The following CLDN18 variants were observed in gnomAD, a reference collection of about 807,000 sequenced individuals.
The protein encoded by CLDN18 is claudin 18, also known as claudin-18.
In CLDN18, 20 loss-of-function variants were observed where a neutral mutation model predicts 25.0. The ratio of observed to expected loss-of-function variants is 0.80; its 90% CI spans 0.56 to 1.16. The LOEUF (loss-of-function observed/expected upper bound fraction) is 1.16. Ranked by LOEUF, CLDN18 falls within the 50% of genes most tolerant of loss-of-function variation. The probability of loss-of-function intolerance (pLI) is 0.00; values close to 1 mark genes in which losing one functional copy is unlikely to be tolerated. For missense variants in CLDN18, 297 were observed against 345.4 expected (o/e 0.86, Z 1.11); for synonymous variants, 125 against 135.6 (o/e 0.92, Z 0.54).
intron 4 of CLDN18, 21 bp from the exon 5 acceptor site, chr3:138,030,949 G>A: frequency 6.2e-7 from 1 of 1,605,272 alleles, no homozygotes; most frequent in Non-Finnish European, 8.5e-7. Flanking sequence ...TACAATCATG[G>A]AATGTTTATT....
chr3:138,000,710 G>C (rs926608243), intron 1 of CLDN18, among the ~76,000 whole-genome samples: 2 of 152,224 alleles, frequency 1.3e-5, no homozygotes, highest in African/African-American at 4.8e-5. Flanking sequence ...GTGGGTAACT[G>C]GCAGCTGGTC....
intron 3 of CLDN18, among the ~76,000 whole-genome samples, chr3:138,028,542 A>T (rs546757949): frequency 6.6e-6 from 1 of 152,354 alleles, no homozygotes; most frequent in East Asian, 1.9e-4. Flanking sequence ...TTTGAGGAAC[A>T]CAAAGGGAAA....
intron 3 of CLDN18, 31 bp from the exon 4 acceptor site, chr3:138,029,766 C>T (rs1273464243): frequency 1.5e-6 from 2 of 1,351,352 alleles, no homozygotes; most frequent in Non-Finnish European, 2.0e-6. Flanking sequence ...GTTGAGTCAA[C>T]CATATTGACA....
chr3:138,031,149 A>C lies in CLDN18; in HGVS notation c.*8A>C. On this transcript the variant is annotated 3_prime_UTR_variant, in exon 5 of 5. Coordinates refer to ENST00000183605, the MANE Select transcript of CLDN18 (RefSeq NM_016369.4). ...AAGCACGACTATGTGTAATGCTCTAAGACCTCTCAGCACGGGCGGAAGAAA... is the reference window on the plus strand; with the variant it reads ...AAGCACGACTATGTGTAATGCTCTACGACCTCTCAGCACGGGCGGAAGAAA... The C allele has an allele frequency of 6.3e-7, 1 of 1,598,166 alleles. No homozygotes were observed.
chr3:138,014,965 A>C (rs1942186940), intron 1 of CLDN18, among the ~76,000 whole-genome samples: 1 of 152,066 alleles, frequency 6.6e-6, no homozygotes, highest in Non-Finnish European at 1.5e-5. Context: ...CCATCTCTAC[A>C]GTAACAAAAT....
chr3:138,008,244 G>GGTGTGTGTGGGT (rs1942090459), upstream of CLDN18, among the ~76,000 whole-genome samples: 1 of 150,494 alleles, frequency 6.6e-6, no homozygotes, highest in Non-Finnish European at 1.5e-5. Flanking sequence ...GGTGTGTGGG[G>GGTGTGTGTGGGT]GTGTGTGTGG....
intron 1 of CLDN18, among the ~76,000 whole-genome samples, chr3:138,004,023 A>G (rs2107874642): frequency 6.6e-6 from 1 of 152,146 alleles, no homozygotes; most frequent in South Asian, 2.1e-4. Flanking sequence ...AATACAAAAA[A>G]ATTAGCCAGG....
At chr3:138,017,128 A>T (rs1942215787) in intron 1 of CLDN18, among the ~76,000 whole-genome samples, 1 of 151,952 alleles carries the variant, frequency 6.6e-6, no homozygotes, top group South Asian at 2.1e-4. Flanking sequence ...TCACTAAATC[A>T]TCACTGCTGT....
In CLDN18 at chr3:138,029,834, G is replaced by A. The variant is rs1356705095; in HGVS notation, c.541G>A (p.Ala181Thr). ...TGCGGCTCTGTTCGTGGGCTGGGTC[G>A]CTGGAGGCCTCACACTAATTGGGGG... is the stretch of plus-strand genomic sequence containing the variant. ...FGAALFVGWV[A>T]GGLTLIGGVM... Residue 181 changes from alanine (A) to threonine (T), a missense_variant, in exon 4 of 5, where the codon GCT becomes ACT. By Grantham distance (58) the Ala-to-Thr change is moderately conservative. Transcript: ENST00000183605. 4.4e-6 allele frequency: 7 copies of A among 1,592,238 alleles called. No individual in the cohort carries two copies. The highest frequency in any genetic ancestry group is 3.3e-4 in the Middle Eastern group (2 of 6,006).
At chr3:138,022,998 A>G (rs1262594001) in intron 1 of CLDN18, among the ~76,000 whole-genome samples, 1 of 152,256 alleles carries the variant, frequency 6.6e-6, no homozygotes, top group East Asian at 1.9e-4. Context: ...ATTCCTAGAA[A>G]GGAAACTGCT....
intron 3 of CLDN18, among the ~76,000 whole-genome samples, chr3:138,028,270 G>A (rs2107889829): frequency 6.6e-6 from 1 of 152,220 alleles, no homozygotes; most frequent in East Asian, 1.9e-4. Context: ...TCACCATGCT[G>A]GCCAGGCTGG....
At chr3:138,008,889 C>T (rs1038298592), upstream of CLDN18, among the ~76,000 whole-genome samples, 2 of 152,150 alleles carry the variant, frequency 1.3e-5, no homozygotes, top group Non-Finnish European at 2.9e-5. Context: ...GACAACACTG[C>T]ACTCCAGTCT....
intron 1 of CLDN18, among the ~76,000 whole-genome samples, chr3:138,013,137 A>T (rs376488305): frequency 2.0e-5 from 3 of 152,342 alleles, no homozygotes; most frequent in East Asian, 3.9e-4. Context: ...TATGCAAGCC[A>T]TTGAACTAAA....
At position 138,032,191 on chromosome 3, in the gene CLDN18, G is replaced by A. The variant is rs530039073; in HGVS notation, c.*1050G>A. 1.3e-5 allele frequency: 2 copies of A among 152,398 alleles called. No individual in the cohort carries two copies. Among genetic ancestry groups the A allele is most frequent in the East Asian group, 3.9e-4 (2 of 5,172 alleles). The allele number at this position is 152,398 out of a possible 1,614,324, so 9.4% of individuals were successfully genotyped here. A position where few individuals can be genotyped will look rare whatever the true frequency, so the allele number is the denominator to read the frequency against. On this transcript the variant is annotated 3_prime_UTR_variant, in exon 5 of 5. Coordinates refer to ENST00000183605, the MANE Select transcript of CLDN18 (RefSeq NM_016369.4). Reference sequence around the variant, plus strand: ...TCCTAGCACTTTGGGAGGCTGAGGAGGAAGGATCACTTGAGCCCAGAAGTT... The same window carrying A: ...TCCTAGCACTTTGGGAGGCTGAGGAAGAAGGATCACTTGAGCCCAGAAGTT...
chr3:138,008,324 C>T (rs1041034415), upstream of CLDN18, among the ~76,000 whole-genome samples: 2 of 151,954 alleles, frequency 1.3e-5, no homozygotes, highest in African/African-American at 4.8e-5. Context: ...CTCCGGAGGG[C>T]TGGGCACAGT....
chr3:138,012,847 GT>G (rs2107879914), intron 1 of CLDN18, among the ~76,000 whole-genome samples: 1 of 152,336 alleles, frequency 6.6e-6, no homozygotes, highest in South Asian at 2.1e-4. Flanking sequence ...TGACACAAGT[GT>G]TTGGAGCCCA....
At chr3:138,009,988 C>A, upstream of CLDN18, 1 of 619,652 alleles carries the variant, frequency 1.6e-6, no homozygotes, top group Non-Finnish European at 2.7e-6. Flanking sequence ...CTGAACCCAC[C>A]CGGCCTGCGG....
At chr3:138,007,826 T>C (rs1312558594), upstream of CLDN18, among the ~76,000 whole-genome samples, 1 of 152,238 alleles carries the variant, frequency 6.6e-6, no homozygotes, top group East Asian at 1.9e-4. Context: ...GGTCAATCTA[T>C]GCCCACCAGC....
At chr3:138,024,781 T>C in intron 3 of CLDN18, 57 bp downstream of exon 3, 1 of 1,040,150 alleles carries the variant, frequency 9.6e-7, no homozygotes, top group Non-Finnish European at 1.5e-6. Flanking sequence ...TATAAGAATC[T>C]GATTAAACAC....
Sources: gnomAD v4.1 joint callset for allele counts (sites outside exome capture counted in the v4.1 genomes callset) on GRCh38, gnomAD v4.1.1 for gene constraint, MANE v1.5 for transcripts, NCBI Gene and HGNC (gene_info 2026-07-23, HGNC 2026-07-21) for gene names.